Variants in PPP2R2C observed in about 807,000 individuals in gnomAD.
PPP2R2C encodes protein phosphatase 2 regulatory subunit Bgamma.
A neutral mutation model predicts 45.3 loss-of-function variants in PPP2R2C; 10 were observed. The observed-to-expected ratio is 0.22, with a 90% confidence interval of 0.14 to 0.37. The LOEUF (loss-of-function observed/expected upper bound fraction) is 0.37. Among genes scored for constraint, PPP2R2C ranks in the 10% least tolerant of loss-of-function variants. PPP2R2C has a pLI of 1.00. For synonymous variants in PPP2R2C, 257 were observed against 245.4 expected, an observed-to-expected ratio of 1.05 and a Z score of -0.44; for missense variants, 308 against 619.7, an observed-to-expected ratio of 0.50 and a Z score of 5.34.
At chr4:6,338,729 C>G (rs1371714278) in intron 6 of PPP2R2C, among the ~76,000 whole-genome samples, 1 of 152,160 alleles carries the variant, frequency 6.6e-6, no homozygotes, top group Non-Finnish European at 1.5e-5. Flanking sequence ...TGCTGGGCCC[C>G]TAGGGCACTG....
At chr4:6,349,324 G>C (rs1712315039) in intron 5 of PPP2R2C, 2 of 982,802 alleles carry the variant, frequency 2.0e-6, no homozygotes, top group African/African-American at 3.5e-5. Context: ...GTGTGACCCT[G>C]AGTGAGTTCC....
intron 2 of PPP2R2C, among the ~76,000 whole-genome samples, chr4:6,528,221 A>T (rs10014591): frequency 1.3e-5 from 2 of 152,058 alleles, no homozygotes; most frequent in Non-Finnish European, 2.9e-5. Context: ...CGGCCTGCAA[A>T]GCCCGCCCTG....
At chr4:6,514,693 G>A (rs1324881981) in intron 2 of PPP2R2C, among the ~76,000 whole-genome samples, 1 of 152,218 alleles carries the variant, frequency 6.6e-6, no homozygotes, top group Non-Finnish European at 1.5e-5. Context: ...AATGCCTGGG[G>A]TGGATATTCA....
At chr4:6,422,575 G>A (rs1206129609) in intron 1 of PPP2R2C, among the ~76,000 whole-genome samples, 2 of 152,214 alleles carry the variant, frequency 1.3e-5, no homozygotes, top group African/African-American at 4.8e-5. Context: ...AGATCAAGGT[G>A]TCAGCAGGAT....
intron 1 of PPP2R2C, among the ~76,000 whole-genome samples, chr4:6,536,380 G>C (rs1326391718): frequency 6.6e-6 from 1 of 152,140 alleles, no homozygotes; most frequent in East Asian, 1.9e-4. Context: ...AAGCTCTGCA[G>C]AAAAGTGAGA....
chr4:6,348,967 G>A (rs1314575740), intron 5 of PPP2R2C: 6 of 967,276 alleles, frequency 6.2e-6, no homozygotes, highest in Non-Finnish European at 7.4e-6. Context: ...ACTCGTCCGG[G>A]GTGGCCCAGG....
intron 6 of PPP2R2C, among the ~76,000 whole-genome samples, chr4:6,340,908 T>G (rs1577082103): frequency 6.6e-6 from 1 of 152,380 alleles, no homozygotes; most frequent in East Asian, 1.9e-4. Flanking sequence ...GGCCCTCACA[T>G]GGGCTGTTCC....
intron 1 of PPP2R2C, chr4:6,383,102 G>A: frequency 1.8e-6 from 2 of 1,095,584 alleles, no homozygotes; most frequent in Non-Finnish European, 2.2e-6. Context: ...AATTCGACAA[G>A]CCGCAAACAG....
chr4:6,451,260 T>C (rs1218437366), intron 1 of PPP2R2C, among the ~76,000 whole-genome samples: 2 of 152,166 alleles, frequency 1.3e-5, no homozygotes, highest in East Asian at 1.9e-4. Context: ...CTGGATCCGC[T>C]GTGGACTGTC....
chr4:6,398,422 C>T (rs939250600), intron 1 of PPP2R2C, among the ~76,000 whole-genome samples: 3 of 152,020 alleles, frequency 2.0e-5, no homozygotes, highest in Non-Finnish European at 4.4e-5. Flanking sequence ...CACAAGCAAC[C>T]TGATTTAAAA....
In PPP2R2C at chr4:6,349,443, G is replaced by A. The variant is rs542362930; in HGVS notation, c.626-1433C>T. 1.7e-5 allele frequency: 17 copies of A among 979,992 alleles called. No homozygotes were observed. In the Admixed American group the frequency reaches 1.9e-4, roughly 11 times the overall value. 60.7% of individuals were successfully genotyped at this position (979,992 alleles called of 1,614,324 possible). On this transcript the variant is annotated intron_variant, in intron 5 of 8. Coordinates refer to ENST00000382599, the MANE Select transcript of PPP2R2C (RefSeq NM_020416.4). ...CAAAGCCCTTCACACACTGCCTGAT[G>A]CGTTGCAGAGCTCAATGAATGTCAG... is the stretch of plus-strand genomic sequence containing the variant.
At chr4:6,410,278 C>T (rs1040248948) in intron 1 of PPP2R2C, among the ~76,000 whole-genome samples, 8 of 152,192 alleles carry the variant, frequency 5.3e-5, no homozygotes, top group African/African-American at 9.7e-5. Context: ...CCTAATGAAG[C>T]GTCCCATGTT....
chr4:6,334,226 G>C (rs188279501), intron 6 of PPP2R2C, among the ~76,000 whole-genome samples: 1 of 152,294 alleles, frequency 6.6e-6, no homozygotes, highest in East Asian at 1.9e-4. Context: ...GGCAGGCATG[G>C]CTGAGCCCTA....
chr4:6,492,436 G>A (rs1441813203), intron 2 of PPP2R2C, among the ~76,000 whole-genome samples: 1 of 152,170 alleles, frequency 6.6e-6, no homozygotes, highest in Non-Finnish European at 1.5e-5. Flanking sequence ...GCCTCCCCCC[G>A]AGTGCTCTGG....
chr4:6,380,613 G>A (rs1715704236), intron 2 of PPP2R2C, among the ~76,000 whole-genome samples: 2 of 152,122 alleles, frequency 1.3e-5, no homozygotes, highest in Admixed American at 1.3e-4. Context: ...GCCACATCCT[G>A]ACCATTCATC....
intron 6 of PPP2R2C, among the ~76,000 whole-genome samples, chr4:6,341,131 C>T (rs978798612): frequency 6.6e-6 from 1 of 152,220 alleles, no homozygotes; most frequent in Admixed American, 6.5e-5. Context: ...CACCTGACGT[C>T]AGGAGTTTGA....
chr4:6,513,326 G>C (rs1401199978), intron 2 of PPP2R2C, among the ~76,000 whole-genome samples: 1 of 152,206 alleles, frequency 6.6e-6, no homozygotes, highest in African/African-American at 2.4e-5. Flanking sequence ...AGTGGGCACA[G>C]AGATGCTGTT....
At chr4:6,482,939 T>C (rs1385932869) in intron 2 of PPP2R2C, among the ~76,000 whole-genome samples, 1 of 151,992 alleles carries the variant, frequency 6.6e-6, no homozygotes, top group African/African-American at 2.4e-5. Flanking sequence ...ATTTGTCTAA[T>C]GTGGATGCTT....
chr4:6,530,777 T>C (rs1724370256), intron 2 of PPP2R2C, among the ~76,000 whole-genome samples: 1 of 152,164 alleles, frequency 6.6e-6, no homozygotes, highest in Non-Finnish European at 1.5e-5. Flanking sequence ...CTCAGAACAG[T>C]GGCTGCGACC....
Sources: gnomAD v4.1 joint callset for allele counts (sites outside exome capture counted in the v4.1 genomes callset) on GRCh38, gnomAD v4.1.1 for gene constraint, MANE v1.5 for transcripts, NCBI Gene and HGNC (gene_info 2026-07-23, HGNC 2026-07-21) for gene names.